Variants in DMD observed in about 807,000 individuals in gnomAD.
The protein encoded by DMD is dystrophin, also known as mutant dystrophin.
A neutral mutation model predicts 330.1 loss-of-function variants in DMD; 63 were observed. That is an observed-to-expected ratio of 0.19 (90% CI 0.16 to 0.24). The LOEUF (loss-of-function observed/expected upper bound fraction) is 0.24, where lower values mean the gene tolerates loss of function less well. Ranked by LOEUF, DMD falls within the 10% of genes least tolerant of loss-of-function variation. DMD has a pLI of 1.00. For missense variants in DMD, 3,344 were observed against 2,684.1 expected, an observed-to-expected ratio of 1.25 and a Z score of -5.43; for synonymous variants, 1,223 against 959.8, an observed-to-expected ratio of 1.27 and a Z score of -5.07.
At chrX:33,110,091 T>G (rs1011774661) in intron 1 of DMD, among the ~76,000 whole-genome samples, 2 of 111,720 alleles carry the variant, frequency 1.8e-5, no homozygotes, top group South Asian at 3.7e-4. Context: ...TAGAATGCCC[T>G]CTCTCACATG....
At chrX:32,715,132 G>A (rs1409598752) in intron 7 of DMD, among the ~76,000 whole-genome samples, 1 of 111,001 alleles carries the variant, frequency 9.0e-6, no homozygotes, top group Non-Finnish European at 1.9e-5. Context: ...GGTAACCACT[G>A]TTTTATTCTC....
Position 31,323,554 on chromosome X carries a change from G to A in DMD, c.9224+44C>T, listed in dbSNP as rs753430458. 4.6e-6 allele frequency: 5 copies of A among 1,077,137 alleles called. No individual in the cohort carries two copies. In the African/African-American group the frequency reaches 9.1e-5, roughly 20 times the overall value. 88.8% of individuals were successfully genotyped at this position (1,077,137 alleles called of 1,213,427 possible). A position where few individuals can be genotyped will look rare whatever the true frequency, so the allele number is the denominator to read the frequency against. ...AACTCACTTGTGAATATACAGGTTA[G>A]TCACAATAAATGCTCTTTTAAAAAT... On this transcript the variant is annotated intron_variant, in intron 62 of 78. Coordinates refer to ENST00000357033, the MANE Select transcript of DMD (RefSeq NM_004006.3).
At chrX:32,525,627 TA>T (rs1409297568) in intron 17 of DMD, among the ~76,000 whole-genome samples, 1 of 111,721 alleles carries the variant, frequency 9.0e-6, no homozygotes, top group Non-Finnish European at 1.9e-5. Context: ...GTTTGTCGTG[TA>T]GTTTTCATGT....
chrX:31,879,217 G>GGA (rs748838447), intron 47 of DMD, among the ~76,000 whole-genome samples: 3 of 103,781 alleles, frequency 2.9e-5, no homozygotes, highest in Admixed American at 1.1e-4. Context: ...GGCGGGGGGG[G>GGA]GCCTCACAAT....
At position 33,272,040 on chromosome X, in the gene DMD, C is replaced by T. The variant is rs190624407; in HGVS notation, c.7+67219G>A. 4.4e-3 allele frequency among the ~76,000 whole-genome samples: 486 copies of T among 109,612 alleles called. 3 individuals are homozygous for T. The highest frequency in any genetic ancestry group is 0.013 in the African/African-American group (404 of 30,194). On this transcript the variant is annotated intron_variant, in intron 1 of 17. Coordinates refer to the DMD transcript ENST00000288447. ...CTGGGATTACAGGTGCCCACCACCACGCCTGACTAATTTTTGTATTTTTAG... is the reference window on the plus strand; with the variant it reads ...CTGGGATTACAGGTGCCCACCACCATGCCTGACTAATTTTTGTATTTTTAG...
At position 31,956,843 on chromosome X, in the gene DMD, G is replaced by T. The variant is rs1212069200; in HGVS notation, c.6614+11496C>A. On this transcript the variant is annotated intron_variant, in intron 45 of 78. Coordinates refer to ENST00000357033, the MANE Select transcript of DMD (RefSeq NM_004006.3). ...TAAGAGACATTTGTTAACTTTGGTTGCCCAGAATCTGAATGCCCTGATTAT... is the reference window on the plus strand; with the variant it reads ...TAAGAGACATTTGTTAACTTTGGTTTCCCAGAATCTGAATGCCCTGATTAT... 2.9e-4 allele frequency among the ~76,000 whole-genome samples: 33 copies of T among 112,360 alleles called. No homozygotes were observed. In the Admixed American group the frequency reaches 3.1e-3, roughly 11 times the overall value.
intron 16 of DMD, among the ~76,000 whole-genome samples, chrX:32,560,094 T>A (rs893119433): frequency 4.5e-5 from 5 of 110,287 alleles, no homozygotes; most frequent in African/African-American, 1.3e-4. Flanking sequence ...TATTTGAACC[T>A]TAATAAGTCA....
rs1333405291 is a variant in DMD, at chrX:33,064,643, C to T, written c.32-44443G>A. 3.6e-5 allele frequency among the ~76,000 whole-genome samples: 4 copies of T among 111,762 alleles called. No homozygotes were observed. In the South Asian group the frequency reaches 1.1e-3, roughly 31 times the overall value. On this transcript the variant is annotated intron_variant, in intron 1 of 78. Transcript: ENST00000357033. ...GTGGCTCATGCCTGTAATCCCAACA[C>T]TTTGGGAGGCTGAGGTGGGTGGATC...
At chrX:32,057,523 A>AAAAG (rs1449239498) in intron 44 of DMD, among the ~76,000 whole-genome samples, 1 of 111,585 alleles carries the variant, frequency 9.0e-6, no homozygotes, top group Non-Finnish European at 1.9e-5. Flanking sequence ...AATAGCAATA[A>AAAAG]AAAGAATAAA....
At chrX:32,826,654 C>A (rs1330840263) in intron 4 of DMD, among the ~76,000 whole-genome samples, 1 of 111,179 alleles carries the variant, frequency 9.0e-6, no homozygotes, top group Non-Finnish European at 1.9e-5. Flanking sequence ...ATGTTGAGCT[C>A]ATAGAATTGA....
At chrX:32,242,814 C>T (rs913210675) in intron 43 of DMD, among the ~76,000 whole-genome samples, 6 of 109,332 alleles carry the variant, frequency 5.5e-5, no homozygotes, top group African/African-American at 1.3e-4. Flanking sequence ...TTTATGGGTC[C>T]GTGAAATGAG....
chrX:31,252,520 G>A (rs764030902), intron 63 of DMD, among the ~76,000 whole-genome samples: 12 of 111,209 alleles, frequency 1.1e-4, no homozygotes, highest in Non-Finnish European at 2.1e-4. Flanking sequence ...CCCATCCACC[G>A]GTATGGTAGC....
rs1202097887 is a variant in DMD, at chrX:32,361,035, A to AT, written c.5325+1752dup. On this transcript the variant is annotated intron_variant, in intron 37 of 78. Coordinates refer to ENST00000357033, the MANE Select transcript of DMD (RefSeq NM_004006.3). ...CTGTGGTGGAGAGCAAATTCTACCCATTTTTTAATATCTGTGAACCACAAT... is the reference window on the plus strand; with the variant it reads ...CTGTGGTGGAGAGCAAATTCTACCCATTTTTTTAATATCTGTGAACCACAAT... 6.3e-5 allele frequency among the ~76,000 whole-genome samples: 7 copies of AT among 110,343 alleles called. No homozygotes were observed. The highest frequency in any genetic ancestry group is 1.3e-4 in the Non-Finnish European group (7 of 52,929).
intron 60 of DMD, among the ~76,000 whole-genome samples, chrX:31,411,452 A>C (rs1249768031): frequency 8.9e-6 from 1 of 112,127 alleles, no homozygotes; most frequent in Non-Finnish European, 1.9e-5. Context: ...TTAAGAAAAG[A>C]CATGCGATTA....
intron 37 of DMD, among the ~76,000 whole-genome samples, chrX:32,361,135 T>C (rs1163110787): frequency 9.1e-6 from 1 of 110,165 alleles, no homozygotes; most frequent in African/African-American, 3.3e-5. Flanking sequence ...TTTATTAAAA[T>C]GTGCATGTGT....
intron 13 of DMD, among the ~76,000 whole-genome samples, chrX:32,584,466 A>T (rs2053997585): frequency 8.9e-6 from 1 of 112,145 alleles, no homozygotes; most frequent in South Asian, 3.7e-4. Flanking sequence ...ACAAAAATAT[A>T]CGTACAATTT....
intron 2 of DMD, among the ~76,000 whole-genome samples, chrX:32,880,271 G>C (rs1242135155): frequency 1.0e-5 from 1 of 97,809 alleles, no homozygotes; most frequent in Non-Finnish European, 2.0e-5. Context: ...TAGGCTGAAA[G>C]CTCCAACAGG....
At chrX:32,995,811 T>A (rs188967898) in intron 2 of DMD, among the ~76,000 whole-genome samples, 12 of 112,022 alleles carry the variant, frequency 1.1e-4, no homozygotes, top group Admixed American at 7.6e-4. Context: ...CTTGAAAATT[T>A]AAGGCAAATT....
rs755943193 is a variant in DMD at position 31,204,091 on chromosome X, G to T, written c.9677C>A (p.Thr3226Lys). The T allele has an allele frequency of 8.3e-7, 1 of 1,211,347 alleles. No homozygotes were observed. The highest frequency in any genetic ancestry group is 2.2e-5 in the Admixed American group (1 of 46,018). The change falls in exon 67 of 79, where the codon ACA becomes AAA. Residue 3226 changes from threonine to lysine, a missense_variant. Transcript: ENST00000357033. ...RYLFKQVASS[T>K]GFCDQRRLGL... ...CAGCCTGCGCTGGTCACAAAATCCT[G>T]TTGAACTTGCCACTTGCTTGAAAAG...
Sources: gnomAD v4.1 joint callset for allele counts (sites outside exome capture counted in the v4.1 genomes callset) on GRCh38, gnomAD v4.1.1 for gene constraint, MANE v1.5 for transcripts, NCBI Gene and HGNC (gene_info 2026-07-23, HGNC 2026-07-21) for gene names.